Variants in CNTNAP2 observed in about 807,000 individuals in gnomAD.
CNTNAP2 encodes contactin-associated protein-like 2.
Under a neutral mutation model 155.2 loss-of-function variants are expected in CNTNAP2, and 98 were observed. The ratio of observed to expected loss-of-function variants is 0.63; its 90% CI spans 0.54 to 0.75. The LOEUF is 0.75. Among genes scored for constraint, CNTNAP2 ranks in the 30% least tolerant of loss-of-function variants. CNTNAP2 has a pLI of 0.00. For missense variants in CNTNAP2, 1,727 were observed against 1,688.1 expected, an observed-to-expected ratio of 1.02 and a Z score of -0.40; for synonymous variants, 651 against 631.2, an observed-to-expected ratio of 1.03 and a Z score of -0.47.
chr7:146,701,771 G>T (rs1370748861), intron 1 of CNTNAP2, among the ~76,000 whole-genome samples: 1 of 152,062 alleles, frequency 6.6e-6, no homozygotes, highest in African/African-American at 2.4e-5. Context: ...GAAATTTGCA[G>T]ATTTTGAAGT....
chr7:147,150,331 A>G (rs1801800129), intron 8 of CNTNAP2, among the ~76,000 whole-genome samples: 2 of 152,234 alleles, frequency 1.3e-5, no homozygotes, highest in African/African-American at 2.4e-5. Context: ...ATGGGCAATC[A>G]GATAAGAAGA....
Position 147,667,425 on chromosome 7 carries a change from A to T in CNTNAP2, c.2098+28119A>T, listed in dbSNP as rs73741216. On this transcript the variant is annotated intron_variant, in intron 13 of 23. Transcript: ENST00000361727. Reference sequence around the variant, plus strand: ...TTTGGAGAAATGTTGCAGGCTACAAATAGAAACTTTTAATGATATGGCACA... The same window carrying T: ...TTTGGAGAAATGTTGCAGGCTACAATTAGAAACTTTTAATGATATGGCACA... 3.9e-3 allele frequency among the ~76,000 whole-genome samples: 590 copies of T among 152,288 alleles called. 5 individuals carry two copies. Among genetic ancestry groups the T allele is most frequent in the African/African-American group, 0.014 (581 of 41,558 alleles).
At chr7:146,972,196 A>G (rs1397879938) in intron 3 of CNTNAP2, among the ~76,000 whole-genome samples, 1 of 152,194 alleles carries the variant, frequency 6.6e-6, no homozygotes, top group East Asian at 1.9e-4. Context: ...CACAAGTATC[A>G]AGTCAACAAA....
At chr7:148,063,039 G>C (rs867679017) in intron 15 of CNTNAP2, among the ~76,000 whole-genome samples, 2 of 152,054 alleles carry the variant, frequency 1.3e-5, no homozygotes, top group African/African-American at 2.4e-5. Flanking sequence ...GAAAATTTAG[G>C]CAAAATGGAT....
chr7:146,934,828 G>T (rs1190857620), intron 3 of CNTNAP2, among the ~76,000 whole-genome samples: 1 of 152,102 alleles, frequency 6.6e-6, no homozygotes, highest in Non-Finnish European at 1.5e-5. Context: ...TATTGGATAA[G>T]GATAGACACT....
intron 1 of CNTNAP2, among the ~76,000 whole-genome samples, chr7:146,312,417 TTA>T (rs1800840405): frequency 6.6e-6 from 1 of 152,168 alleles, no homozygotes; most frequent in Admixed American, 6.5e-5. Context: ...TGGCGATTTT[TTA>T]TGTGTGTAAT....
At position 147,067,850 on chromosome 7, in the gene CNTNAP2, A is replaced by C. The variant is rs1336729325; in HGVS notation, c.550+23796A>C. ...ATTCGCATTCGGTTGTTCTCTTCCC[A>C]TTCCATTTTGTGTTAGTTTCTTATA... is the stretch of plus-strand genomic sequence containing the variant. On this transcript the variant is annotated intron_variant, in intron 4 of 23. Transcript: ENST00000361727. Among the ~76,000 whole-genome samples the C allele has an allele frequency of 2.0e-5, 3 of 152,198 alleles. No homozygotes were observed. In the East Asian group the frequency reaches 5.8e-4, roughly 29 times the overall value.
chr7:146,668,555 ATAGT>A (rs1800241673), intron 1 of CNTNAP2, among the ~76,000 whole-genome samples: 1 of 152,048 alleles, frequency 6.6e-6, no homozygotes, highest in Non-Finnish European at 1.5e-5. Flanking sequence ...ATTTTTTGAA[ATAGT>A]TTGAGAATGA....
At chr7:147,835,712 G>A (rs1396382894) in intron 13 of CNTNAP2, among the ~76,000 whole-genome samples, 2 of 152,178 alleles carry the variant, frequency 1.3e-5, no homozygotes, top group Non-Finnish European at 2.9e-5. Flanking sequence ...CAGATGTAAT[G>A]CAGTTAAGGA....
intron 8 of CNTNAP2, among the ~76,000 whole-genome samples, chr7:147,224,768 C>T (rs1270370345): frequency 1.3e-5 from 2 of 151,780 alleles, no homozygotes; most frequent in African/African-American, 4.8e-5. Context: ...TCCATGTTTC[C>T]CCCCTCTCTA....
At chr7:147,367,083 G>A (rs141758240) in intron 9 of CNTNAP2, among the ~76,000 whole-genome samples, 41 of 152,072 alleles carry the variant, frequency 2.7e-4, no homozygotes, top group South Asian at 4.2e-4. Context: ...AGTGAGACCC[G>A]GTGTATACAA....
chr7:146,906,173 T>G (rs956492629), intron 3 of CNTNAP2, among the ~76,000 whole-genome samples: 4 of 152,084 alleles, frequency 2.6e-5, no homozygotes, highest in Non-Finnish European at 5.9e-5. Context: ...TCTCGCTGAT[T>G]GCTAGCACAG....
At position 147,121,159 on chromosome 7, in the gene CNTNAP2, A is replaced by G. The variant is rs1361533128; in HGVS notation, c.935A>G (p.Tyr312Cys). 2.5e-6 allele frequency: 4 copies of G among 1,613,902 alleles called. No homozygotes were observed. The highest frequency in any genetic ancestry group is 1.7e-5 in the Admixed American group (1 of 60,004). The change falls in exon 6 of 24, where the codon TAT becomes TGT. Residue 312 changes from tyrosine to cysteine, a missense_variant. By Grantham distance (194) the Tyr-to-Cys change is radical (BLOSUM62 -2). Coordinates refer to ENST00000361727, the MANE Select transcript of CNTNAP2 (RefSeq NM_014141.6). ...GAGTTTGACTACCTGGACTTGGACTATGAGGTACATGTGATGACGTAGAAA... is the reference window on the plus strand; with the variant it reads ...GAGTTTGACTACCTGGACTTGGACTGTGAGGTACATGTGATGACGTAGAAA... Reference protein sequence around the residue: ...NGEFDYLDLDYEITFGGIPFS... With the variant: ...NGEFDYLDLDCEITFGGIPFS...
At chr7:146,925,356 T>C (rs1244068184) in intron 3 of CNTNAP2, among the ~76,000 whole-genome samples, 2 of 152,052 alleles carry the variant, frequency 1.3e-5, no homozygotes, top group Non-Finnish European at 2.9e-5. Flanking sequence ...TAAAAATCAA[T>C]GTTGGACATT....
intron 5 of CNTNAP2, among the ~76,000 whole-genome samples, chr7:147,115,018 C>A (rs1800957284): frequency 1.3e-5 from 2 of 152,192 alleles, no homozygotes; most frequent in South Asian, 4.1e-4. Context: ...GTAATAAATT[C>A]TCTCAGCATT....
At chr7:147,457,559 G>GTT (rs140417992) in intron 10 of CNTNAP2, among the ~76,000 whole-genome samples, 22,352 of 150,288 alleles carry the variant, frequency 0.15, 1,854 homozygotes, top group East Asian at 0.33. Flanking sequence ...AGATATGAGA[G>GTT]GTTTTTTTTC....
At chr7:147,003,267 A>G (rs948320866) in intron 3 of CNTNAP2, among the ~76,000 whole-genome samples, 3 of 152,000 alleles carry the variant, frequency 2.0e-5, no homozygotes, top group African/African-American at 7.2e-5. Flanking sequence ...CAAGTAGATT[A>G]CATTATGTGA....
chr7:146,731,691 G>A (rs188113832), intron 1 of CNTNAP2, among the ~76,000 whole-genome samples: 89 of 152,194 alleles, frequency 5.8e-4, no homozygotes, highest in African/African-American at 2.0e-3. Context: ...ACTTAAAACA[G>A]CACGGATAGA....
At chr7:146,753,613 C>T (rs1048044383) in intron 1 of CNTNAP2, among the ~76,000 whole-genome samples, 1 of 151,926 alleles carries the variant, frequency 6.6e-6, no homozygotes, top group African/African-American at 2.4e-5. Context: ...ATGTACGTTA[C>T]CAAAGCAATA....
Sources: gnomAD v4.1 joint callset for allele counts (sites outside exome capture counted in the v4.1 genomes callset) on GRCh38, gnomAD v4.1.1 for gene constraint, MANE v1.5 for transcripts, NCBI Gene and HGNC (gene_info 2026-07-23, HGNC 2026-07-21) for gene names.